KIAA0232: variants seen among roughly 807,000 people sequenced by gnomAD.
KIAA0232 encodes KIAA0232.
In KIAA0232, 27 loss-of-function variants were observed where a neutral mutation model predicts 122.0. The ratio of observed to expected loss-of-function variants is 0.22; its 90% CI spans 0.16 to 0.31. The LOEUF is 0.31. Ranked by LOEUF, KIAA0232 falls within the 10% of genes least tolerant of loss-of-function variation. KIAA0232 has a pLI of 1.00. For missense variants in KIAA0232, 1,551 were observed against 1,634.2 expected (o/e 0.95, Z 0.88); for synonymous variants, 613 against 587.6 (o/e 1.04, Z -0.63).
intron 3 of KIAA0232, among the ~76,000 whole-genome samples, chr4:6,827,977 C>G (rs1294213627): frequency 6.6e-6 from 1 of 151,836 alleles, no homozygotes; most frequent in Admixed American, 6.6e-5. Context: ...AACTGCTTTT[C>G]TCACCCATCT....
chr4:6,837,374 C>G (rs988025348), intron 3 of KIAA0232, among the ~76,000 whole-genome samples: 1 of 151,692 alleles, frequency 6.6e-6, no homozygotes, highest in African/African-American at 2.4e-5. Context: ...GGCAGAGAGG[C>G]TCCTCACTTC....
chr4:6,785,345 GTTC>G (rs1388222138), intron 1 of KIAA0232, among the ~76,000 whole-genome samples: 2 of 152,138 alleles, frequency 1.3e-5, no homozygotes, highest in Admixed American at 1.3e-4. Context: ...GATTGTTCTT[GTTC>G]TTTATTTTTC....
intron 4 of KIAA0232, among the ~76,000 whole-genome samples, chr4:6,851,427 C>T (rs1035019429): frequency 9.9e-5 from 15 of 152,022 alleles, no homozygotes; most frequent in Admixed American, 8.5e-4. Flanking sequence ...ATAGGGTTTG[C>T]CTGGGTGCGA....
chr4:6,787,538 C>T (rs185323059), intron 1 of KIAA0232, among the ~76,000 whole-genome samples: 1 of 152,278 alleles, frequency 6.6e-6, no homozygotes, highest in African/African-American at 2.4e-5. Context: ...CATTTTTGTC[C>T]TACTTGTTAC....
chr4:6,847,382 A>G (rs988077530), intron 4 of KIAA0232, among the ~76,000 whole-genome samples: 7 of 152,214 alleles, frequency 4.6e-5, no homozygotes, highest in Non-Finnish European at 8.8e-5. Context: ...ACCCCACATT[A>G]TGGCACTTCT....
intron 7 of KIAA0232, among the ~76,000 whole-genome samples, chr4:6,870,350 T>C (rs1484511395): frequency 6.6e-6 from 1 of 152,252 alleles, no homozygotes; most frequent in African/African-American, 2.4e-5. Flanking sequence ...TCTCCCGCTC[T>C]CAGGAATCAT....
Position 6,824,556 on chromosome 4 carries a change from G to A in KIAA0232, c.103G>A (p.Ala35Thr), listed in dbSNP as rs765033693. ...VSVSEMSLLH[A>T]LGPVQTWLGQ... ...TGTTTCTGAAATGTCTCTGCTTCATGCTTTGGGTCCAGTGCAGACCTGGCT... is the reference window on the plus strand; with the variant it reads ...TGTTTCTGAAATGTCTCTGCTTCATACTTTGGGTCCAGTGCAGACCTGGCT... The change falls in exon 3 of 10, where the codon GCT (alanine) becomes ACT (threonine). Residue 35 changes from alanine to threonine, a missense_variant. By Grantham distance (58) the Ala-to-Thr change is moderately conservative. This residue lies in a region of KIAA0232 where 26 missense variants were observed against 52.2 expected (regional missense o/e 0.50). Coordinates refer to ENST00000307659, the MANE Select transcript of KIAA0232 (RefSeq NM_014743.3). 6.2e-7 allele frequency: 1 copy of A among 1,614,194 alleles called. No individual in the cohort carries two copies. The highest frequency in any genetic ancestry group is 1.1e-5 in the South Asian group (1 of 91,080).
chr4:6,791,135 G>C (rs1312551657), intron 1 of KIAA0232, among the ~76,000 whole-genome samples: 2 of 149,286 alleles, frequency 1.3e-5, no homozygotes, highest in Non-Finnish European at 3.0e-5. Context: ...GCCCAGGCTG[G>C]TCTCGAACTC....
At chr4:6,857,574 T>G (rs1720628844) in intron 5 of KIAA0232, among the ~76,000 whole-genome samples, 1 of 152,204 alleles carries the variant, frequency 6.6e-6, no homozygotes, top group African/African-American at 2.4e-5. Context: ...ATTGTCTCTT[T>G]CCTTTCCCCA....
At chr4:6,821,336 T>C (rs1016208248) in intron 2 of KIAA0232, among the ~76,000 whole-genome samples, 2 of 152,156 alleles carry the variant, frequency 1.3e-5, no homozygotes, top group Non-Finnish European at 2.9e-5. Context: ...CGGCATACAC[T>C]CTACCCAGTT....
intron 1 of KIAA0232, 101 bp from the exon 2 acceptor site, chr4:6,804,422 A>G (rs1717522539): frequency 6.6e-6 from 1 of 152,170 alleles, no homozygotes; most frequent in African/African-American, 2.4e-5. Flanking sequence ...TTGGTCCATT[A>G]AAAACTGTGA....
Position 6,862,246 on chromosome 4 carries a change from G to C in KIAA0232, c.1864G>C (p.Val622Leu), listed in dbSNP as rs772511469. The stretch of plus-strand genomic sequence containing the variant: ...ACTCTCTCCCATCTTAGACAGCACA[G>C]TGCTCAATTCACACCTGCTTGCTGG... Reference protein sequence around the residue: ...VRLSPILDSTVLNSHLLAGNQ... With the variant: ...VRLSPILDSTLLNSHLLAGNQ... The change falls in exon 7 of 10, where the codon GTG becomes CTG. Residue 622 changes from valine to leucine, a missense_variant. Around this residue, in one of 5 missense-constraint regions of KIAA0232, gnomAD observed 1,108 missense variants for 1,154.8 expected, o/e 0.96. Transcript: ENST00000307659. The C allele has an allele frequency of 6.2e-7, 1 of 1,614,190 alleles. No individual in the cohort carries two copies. The highest frequency in any genetic ancestry group is 8.5e-7 in the Non-Finnish European group (1 of 1,180,040).
chr4:6,832,606 C>A (rs1461574996), intron 3 of KIAA0232, among the ~76,000 whole-genome samples: 1 of 152,134 alleles, frequency 6.6e-6, no homozygotes, highest in Non-Finnish European at 1.5e-5. Context: ...GCCTTGGCCT[C>A]CCAAAGTGCT....
chr4:6,789,877 A>G lies in KIAA0232; in HGVS notation c.-354+7036A>G, dbSNP rs185562365. 2.2e-3 allele frequency among the ~76,000 whole-genome samples: 331 copies of G among 151,956 alleles called. 1 individual carries two copies. Among genetic ancestry groups the G allele is most frequent in the African/African-American group, 7.4e-3 (305 of 41,464 alleles). On this transcript the variant is annotated intron_variant, in intron 1 of 9. Coordinates refer to ENST00000307659, the MANE Select transcript of KIAA0232 (RefSeq NM_014743.3). Reference sequence around the variant, plus strand: ...CCCTGTTTCTACAAAAAAATTTTAAAAATTAGCCAGGTGTGGTGGCACATG... The same window carrying G: ...CCCTGTTTCTACAAAAAAATTTTAAGAATTAGCCAGGTGTGGTGGCACATG...
rs1719001087 is a variant in KIAA0232, at chr4:6,831,849, TTTC to T, written c.231+7168_231+7170del. Reference sequence around the variant, plus strand: ...AAGAGTTCACTCCAAGTTCTGCTGCTTTCTTTGCCTCTTCAAAGGGCCACCTTT... The same window carrying T: ...AAGAGTTCACTCCAAGTTCTGCTGCTTTTGCCTCTTCAAAGGGCCACCTTT... On this transcript the variant is annotated intron_variant, in intron 3 of 9. Coordinates refer to ENST00000307659, the MANE Select transcript of KIAA0232 (RefSeq NM_014743.3). Among the ~76,000 whole-genome samples the T allele has an allele frequency of 2.6e-5, 4 of 152,322 alleles. No individual in the cohort carries two copies. The South Asian group carries it at 8.3e-4, about 32-fold the overall frequency.
At chr4:6,856,456 C>T (rs1030732880) in intron 4 of KIAA0232, among the ~76,000 whole-genome samples, 3 of 151,992 alleles carry the variant, frequency 2.0e-5, no homozygotes, top group African/African-American at 7.2e-5. Flanking sequence ...TTGCTTGTGC[C>T]TGTTTTCTAC....
intron 1 of KIAA0232, among the ~76,000 whole-genome samples, chr4:6,787,360 T>C (rs1716674484): frequency 6.6e-6 from 1 of 152,200 alleles, no homozygotes. Context: ...TCAGGTTTGC[T>C]TCTTGGCCGT....
intron 3 of KIAA0232, among the ~76,000 whole-genome samples, chr4:6,830,333 C>G (rs570324237): frequency 6.6e-6 from 1 of 152,040 alleles, no homozygotes; most frequent in South Asian, 2.1e-4. Flanking sequence ...AGGGCTGACC[C>G]CAGTGGCAAC....
chr4:6,811,040 G>A (rs1717853170), intron 2 of KIAA0232, among the ~76,000 whole-genome samples: 2 of 152,186 alleles, frequency 1.3e-5, no homozygotes, highest in Admixed American at 1.3e-4. Context: ...AAAGAGTATG[G>A]CGATTTCTTA....
Sources: allele counts gnomAD v4.1 joint callset (sites outside exome capture counted in the v4.1 genomes callset), GRCh38; gene constraint gnomAD v4.1.1; regional missense constraint gnomAD v4.1.1; transcripts MANE v1.5; gene names NCBI Gene and HGNC (gene_info 2026-07-23, HGNC 2026-07-21).